TRAPPC9: variants seen among roughly 807,000 people sequenced by gnomAD.
TRAPPC9 encodes the protein IKK2 binding protein.
In TRAPPC9, 83 loss-of-function variants were observed where a neutral mutation model predicts 124.0. The observed-to-expected ratio is 0.67, with a 90% CI of 0.56 to 0.80. TRAPPC9 has a LOEUF of 0.80. TRAPPC9 is among the 30% of genes least tolerant of loss of function. The pLI is 0.00. For synonymous variants in TRAPPC9, 638 were observed against 617.5 expected (o/e 1.03, Z -0.49); for missense variants, 1,302 against 1,508.3 (o/e 0.86, Z 2.27).
chr8:140,026,419 G>A (rs376669033), intron 17 of TRAPPC9, among the ~76,000 whole-genome samples: 6 of 152,200 alleles, frequency 3.9e-5, no homozygotes, highest in South Asian at 2.1e-4. Context: ...ATATTGTTTC[G>A]CACAGTGGCT....
chr8:139,941,290 C>CT (rs1833905702), intron 19 of TRAPPC9, among the ~76,000 whole-genome samples: 1 of 152,216 alleles, frequency 6.6e-6, no homozygotes, highest in East Asian at 1.9e-4. Context: ...CACAGGGAAA[C>CT]AACAGAGGCC....
intron 9 of TRAPPC9, among the ~76,000 whole-genome samples, chr8:140,313,888 C>T (rs1588138854): frequency 6.6e-6 from 1 of 152,142 alleles, no homozygotes; most frequent in African/African-American, 2.4e-5. Context: ...ATGACCCCAT[C>T]GCCATTTCAG....
chr8:139,856,734 C>CAAA (rs35682231), intron 21 of TRAPPC9, among the ~76,000 whole-genome samples: 3 of 128,606 alleles, frequency 2.3e-5, no homozygotes, highest in Non-Finnish European at 1.6e-5. Flanking sequence ...CCAGCACCTG[C>CAAA]AAAAAAAAAA....
chr8:139,915,522 C>T (rs1003923296), intron 19 of TRAPPC9, among the ~76,000 whole-genome samples: 2 of 152,320 alleles, frequency 1.3e-5, no homozygotes, highest in South Asian at 2.1e-4. Context: ...ACTGGGGTTA[C>T]AGGCATGAGC....
At chr8:139,913,864 C>T (rs1023478798) in intron 19 of TRAPPC9, 3 of 152,344 alleles carry the variant, frequency 2.0e-5, no homozygotes, top group African/African-American at 4.8e-5. Context: ...TACTTCTATC[C>T]ACCTGGTCCC....
chr8:140,265,337 AT>A, intron 15 of TRAPPC9, among the ~76,000 whole-genome samples: 1 of 152,358 alleles, frequency 6.6e-6, no homozygotes, highest in Non-Finnish European at 1.5e-5. Context: ...AGAGTGACGT[AT>A]TCAAATAACA....
intron 17 of TRAPPC9, among the ~76,000 whole-genome samples, chr8:140,165,947 T>C (rs1052405015): frequency 6.6e-6 from 1 of 152,094 alleles, no homozygotes; most frequent in Non-Finnish European, 1.5e-5. Context: ...CTGCCTCTGC[T>C]AAGCGCCATG....
chr8:139,818,928 C>T (rs937956186), intron 21 of TRAPPC9, among the ~76,000 whole-genome samples: 1 of 152,232 alleles, frequency 6.6e-6, no homozygotes, highest in Non-Finnish European at 1.5e-5. Flanking sequence ...GTCCCTTGTA[C>T]ACATCTTAAC....
intron 17 of TRAPPC9, among the ~76,000 whole-genome samples, chr8:140,037,910 ACC>A (rs60146012): frequency 7.7e-5 from 10 of 129,222 alleles, no homozygotes; most frequent in South Asian, 5.2e-4. Context: ...ACACACACAC[ACC>A]CCAGAGCTTC....
At chr8:139,758,753 T>G (rs1220949905) in intron 21 of TRAPPC9, among the ~76,000 whole-genome samples, 3 of 151,956 alleles carry the variant, frequency 2.0e-5, no homozygotes, top group Non-Finnish European at 4.4e-5. Flanking sequence ...TGTGTGGAGG[T>G]AGTGGCAGAG....
intron 19 of TRAPPC9, among the ~76,000 whole-genome samples, chr8:139,970,665 T>C (rs1326465305): frequency 6.6e-6 from 1 of 152,136 alleles, no homozygotes; most frequent in Non-Finnish European, 1.5e-5. Context: ...TATAATCAGC[T>C]CTACTTCTAC....
At chr8:139,739,313 C>A (rs6578044) in intron 21 of TRAPPC9, among the ~76,000 whole-genome samples, 2 of 152,156 alleles carry the variant, frequency 1.3e-5, no homozygotes, top group Non-Finnish European at 1.5e-5. Flanking sequence ...CCTGGCTGGC[C>A]GCTCCCTCTC....
chr8:140,157,082 C>T lies in TRAPPC9; in HGVS notation c.2556+64377G>A, dbSNP rs1158172811. Reference sequence around the variant, plus strand: ...AGCCTCCCTTTCCATTCAAAAGCCTCCCTTTTCCATTCAGAAGCCTCCCTT... The same window carrying T: ...AGCCTCCCTTTCCATTCAAAAGCCTTCCTTTTCCATTCAGAAGCCTCCCTT... On this transcript the variant is annotated intron_variant, in intron 17 of 22. Transcript: ENST00000438773. Among the ~76,000 whole-genome samples the T allele has an allele frequency of 1.9e-5, 2 of 107,138 alleles. 1 individual carries two copies. Among genetic ancestry groups the T allele is most frequent in the Admixed American group, 1.8e-4 (2 of 11,008 alleles). 70.3% of individuals were successfully genotyped at this position (107,138 alleles called of 152,430 possible).
At chr8:140,373,345 C>A (rs763970128) in intron 7 of TRAPPC9, among the ~76,000 whole-genome samples, 1 of 152,226 alleles carries the variant, frequency 6.6e-6, no homozygotes, top group Non-Finnish European at 1.5e-5. Context: ...CTAGGTGACG[C>A]CGCCGGGGCA....
At chr8:140,364,748 A>G (rs1416764221) in intron 8 of TRAPPC9, among the ~76,000 whole-genome samples, 1 of 151,962 alleles carries the variant, frequency 6.6e-6, no homozygotes, top group Non-Finnish European at 1.5e-5. Context: ...ACACCTGGCT[A>G]ATTTGTATTT....
chr8:139,740,893 CT>C (rs772562767), intron 21 of TRAPPC9, among the ~76,000 whole-genome samples: 28 of 152,336 alleles, frequency 1.8e-4, no homozygotes, highest in Admixed American at 4.6e-4. Flanking sequence ...CCAAACACTG[CT>C]TCCACTGTGG....
intron 9 of TRAPPC9, among the ~76,000 whole-genome samples, chr8:140,337,281 A>G (rs2067068965): frequency 6.6e-6 from 1 of 152,176 alleles, no homozygotes; most frequent in African/African-American, 2.4e-5. Context: ...CACCAGGCCC[A>G]GCACACAAGA....
intron 9 of TRAPPC9, among the ~76,000 whole-genome samples, chr8:140,327,078 C>T (rs2066757833): frequency 1.3e-5 from 2 of 152,008 alleles, no homozygotes; most frequent in Admixed American, 1.3e-4. Flanking sequence ...TATGGTGAAA[C>T]CCCGTCTCTA....
chr8:139,769,017 G>C (rs1183158466), intron 21 of TRAPPC9, among the ~76,000 whole-genome samples: 1 of 152,212 alleles, frequency 6.6e-6, no homozygotes, highest in Non-Finnish European at 1.5e-5. Context: ...AACCAGTGCT[G>C]CCGACATCTT....
Sources: allele counts gnomAD v4.1 joint callset (sites outside exome capture counted in the v4.1 genomes callset), GRCh38; gene constraint gnomAD v4.1.1; transcripts MANE v1.5; gene names NCBI Gene and HGNC (gene_info 2026-07-23, HGNC 2026-07-21).